SGCZ: variants seen among roughly 807,000 people sequenced by gnomAD.
SGCZ encodes the protein sarcoglycan zeta, also known as zeta-sarcoglycan.
SGCZ carries 40 observed loss-of-function variants against 41.3 expected under a neutral mutation model. The ratio of observed to expected loss-of-function variants is 0.97; its 90% confidence interval spans 0.75 to 1.26. The LOEUF is 1.26. SGCZ is among the 50% of genes most tolerant of loss of function. SGCZ has a pLI of 0.00. For missense variants in SGCZ, 552 were observed against 369.8 expected (o/e 1.49, Z -4.04); for synonymous variants, 206 against 137.5 (o/e 1.50, Z -3.49).
At chr8:14,425,133 C>G (rs1799742950) in intron 2 of SGCZ, among the ~76,000 whole-genome samples, 1 of 151,976 alleles carries the variant, frequency 6.6e-6, no homozygotes, top group Non-Finnish European at 1.5e-5. Context: ...CAACATTAGC[C>G]AGAGCTTTCT....
At position 15,237,889 on chromosome 8, in the gene SGCZ, G is replaced by T; in HGVS notation, c.-266C>A. On this transcript the variant is annotated 5_prime_UTR_variant, in exon 1 of 8. Coordinates refer to ENST00000382080, the MANE Select transcript of SGCZ (RefSeq NM_139167.4). ...GCGGTGCAACACAGCTGAGTCGATT[G>T]AAACAGGGGCCAAAAGAAAAAAGGA... 5.7e-6 allele frequency: 2 copies of T among 349,372 alleles called. No homozygotes were observed. Among genetic ancestry groups the T allele is most frequent in the East Asian group, 4.2e-5 (1 of 23,896 alleles). The allele number at this position is 349,372 out of a possible 1,614,324, so 21.6% of individuals were successfully genotyped here.
At chr8:14,957,490 C>A (rs747975898) in intron 1 of SGCZ, among the ~76,000 whole-genome samples, 4 of 151,968 alleles carry the variant, frequency 2.6e-5, no homozygotes, top group Non-Finnish European at 5.9e-5. Context: ...GACATAGATG[C>A]ATATTTTATA....
intron 2 of SGCZ, among the ~76,000 whole-genome samples, chr8:14,467,479 A>C (rs1801084761): frequency 1.3e-5 from 2 of 152,014 alleles, no homozygotes; most frequent in Admixed American, 1.3e-4. Context: ...TGGTTCCCTA[A>C]AACTGTGTGC....
intron 2 of SGCZ, among the ~76,000 whole-genome samples, chr8:14,362,479 C>T (rs1803560113): frequency 6.6e-6 from 1 of 152,026 alleles, no homozygotes; most frequent in African/African-American, 2.4e-5. Context: ...AGCAAGGCTC[C>T]ATGGGCGTGG....
At chr8:14,900,540 G>A (rs1296664672) in intron 1 of SGCZ, among the ~76,000 whole-genome samples, 1 of 152,098 alleles carries the variant, frequency 6.6e-6, no homozygotes, top group Non-Finnish European at 1.5e-5. Flanking sequence ...ATACCGCTGG[G>A]TCCAAGCTGA....
At chr8:14,734,104 G>C (rs1324005672) in intron 1 of SGCZ, among the ~76,000 whole-genome samples, 3 of 152,190 alleles carry the variant, frequency 2.0e-5, no homozygotes, top group Admixed American at 2.0e-4. Context: ...ACGCTGTTAA[G>C]ATCAAGAAGT....
chr8:14,158,079 T>C (rs1382144), intron 5 of SGCZ, among the ~76,000 whole-genome samples: 47,593 of 151,496 alleles, frequency 0.31, 7,800 homozygotes, highest in Middle Eastern at 0.47. Flanking sequence ...CCAGCTTTGG[T>C]CCTAAGTTAT....
chr8:14,827,420 A>G (rs1467705064), intron 1 of SGCZ, among the ~76,000 whole-genome samples: 1 of 151,912 alleles, frequency 6.6e-6, no homozygotes, highest in African/African-American at 2.4e-5. Flanking sequence ...TGTTTTTAGT[A>G]GAGACAGGGT....
intron 1 of SGCZ, among the ~76,000 whole-genome samples, chr8:15,130,874 GT>G (rs1807871507): frequency 6.6e-6 from 1 of 152,022 alleles, no homozygotes; most frequent in Non-Finnish European, 1.5e-5. Flanking sequence ...TGAAGATAAT[GT>G]TTTTTCACAA....
At chr8:14,452,376 G>A (rs999281969) in intron 2 of SGCZ, among the ~76,000 whole-genome samples, 3 of 152,038 alleles carry the variant, frequency 2.0e-5, no homozygotes, top group Non-Finnish European at 2.9e-5. Context: ...ATATCGTAAC[G>A]GTGGATACAT....
chr8:15,040,490 A>C (rs1804052436), intron 1 of SGCZ, among the ~76,000 whole-genome samples: 1 of 152,008 alleles, frequency 6.6e-6, no homozygotes, highest in Non-Finnish European at 1.5e-5. Context: ...GGTGGCAGGC[A>C]TCTGTAATCC....
intron 1 of SGCZ, among the ~76,000 whole-genome samples, chr8:15,207,426 C>A (rs1801102167): frequency 6.6e-6 from 1 of 152,084 alleles, no homozygotes; most frequent in East Asian, 1.9e-4. Flanking sequence ...CAGAAAGGAT[C>A]TGGTGAAAGA....
chr8:14,525,181 TAGATA>T lies in SGCZ; in HGVS notation c.234+29546_234+29550del, dbSNP rs1563385958. On this transcript the variant is annotated intron_variant, in intron 2 of 7. Coordinates refer to ENST00000382080, the MANE Select transcript of SGCZ (RefSeq NM_139167.4). ...ATAGATAGATAGATAGATAGATAGA[TAGATA>T]GATAGATAGACAGACAGACAGACAG... Among the ~76,000 whole-genome samples, 612 of 132,954 alleles carry T rather than the reference TAGATA, an allele frequency of 4.6e-3. 3 individuals are homozygous for T. Among genetic ancestry groups the T allele is most frequent in the Admixed American group, 0.014 (189 of 13,400 alleles). 87.2% of individuals were successfully genotyped at this position (132,954 alleles called of 152,430 possible).
chr8:14,453,805 G>T (rs965844732), intron 2 of SGCZ, among the ~76,000 whole-genome samples: 2 of 152,104 alleles, frequency 1.3e-5, no homozygotes, highest in South Asian at 2.1e-4. Context: ...TTTCTAAATG[G>T]TTTCCAAAAA....
At chr8:14,572,821 A>G (rs1314167233) in intron 1 of SGCZ, among the ~76,000 whole-genome samples, 1 of 152,196 alleles carries the variant, frequency 6.6e-6, no homozygotes, top group Non-Finnish European at 1.5e-5. Context: ...CCACAAATGA[A>G]TAGAAACCAG....
At position 14,238,034 on chromosome 8, in the gene SGCZ, C is replaced by A. The variant is rs372478771; in HGVS notation, c.337-355G>T. 9.2e-5 allele frequency among the ~76,000 whole-genome samples: 14 copies of A among 152,348 alleles called. No individual in the cohort carries two copies. The East Asian group carries it at 1.9e-3, about 21-fold the overall frequency. On this transcript the variant is annotated intron_variant, in intron 3 of 7. Transcript: ENST00000382080. ...CAGACGCTATCCCAATGGCAAAAGT[C>A]CCTTTTTAAGTTTAAGTTGCATCTT...
chr8:14,394,478 G>A (rs1748977699), intron 2 of SGCZ, among the ~76,000 whole-genome samples: 1 of 152,078 alleles, frequency 6.6e-6, no homozygotes, highest in Admixed American at 6.6e-5. Context: ...GCCTCAAAAT[G>A]CATACTGACA....
intron 1 of SGCZ, among the ~76,000 whole-genome samples, chr8:14,605,366 G>A (rs1009291214): frequency 6.6e-6 from 1 of 151,876 alleles, no homozygotes; most frequent in African/African-American, 2.4e-5. Flanking sequence ...AGGGCAAATT[G>A]GGTATCTATC....
At chr8:15,170,222 A>C in intron 1 of SGCZ, among the ~76,000 whole-genome samples, 1 of 152,276 alleles carries the variant, frequency 6.6e-6, no homozygotes, top group African/African-American at 2.4e-5. Flanking sequence ...CTGAGATCTA[A>C]AGTTTCCTGG....
Sources: gnomAD v4.1 joint callset for allele counts (sites outside exome capture counted in the v4.1 genomes callset) on GRCh38, gnomAD v4.1.1 for gene constraint, MANE v1.5 for transcripts, NCBI Gene and HGNC (gene_info 2026-07-23, HGNC 2026-07-21) for gene names.